Variants in XRCC1 observed in about 807,000 individuals in gnomAD.
The protein encoded by XRCC1 is X-ray repair cross complementing 1.
In XRCC1, 52 loss-of-function variants were observed where a neutral mutation model predicts 83.3. That is an observed-to-expected ratio of 0.62 (90% confidence interval 0.50 to 0.79). The LOEUF is 0.79. XRCC1 is among the 30% of genes least tolerant of loss of function. The pLI is 0.00. For missense variants in XRCC1, 793 were observed against 823.5 expected (o/e 0.96, Z 0.45); for synonymous variants, 281 against 312.6 (o/e 0.90, Z 1.07).
At chr19:43,566,340 C>A (rs1972752494) in intron 2 of XRCC1, among the ~76,000 whole-genome samples, 1 of 151,322 alleles carries the variant, frequency 6.6e-6, no homozygotes, top group Non-Finnish European at 1.5e-5. Flanking sequence ...CAAGACCAGG[C>A]TGGCCAAGAG....
intron 5 of XRCC1, 25 bp downstream of exon 5, chr19:43,553,584 A>G: frequency 1.2e-6 from 2 of 1,611,604 alleles, no homozygotes; most frequent in Non-Finnish European, 1.7e-6. Flanking sequence ...GGAGAAGGCC[A>G]TGGGGAGTGA....
chr19:43,544,021 G>A, intron 15 of XRCC1, 123 bp downstream of exon 15: 3 of 974,604 alleles, frequency 3.1e-6, no homozygotes, highest in Non-Finnish European at 4.6e-6. Flanking sequence ...CCCACCTGCT[G>A]GGCATGGCCC....
intron 2 of XRCC1, among the ~76,000 whole-genome samples, chr19:43,565,772 C>G (rs1447926489): frequency 1.3e-5 from 2 of 151,818 alleles, no homozygotes. Context: ...CCTGTCTCTA[C>G]CAAAAATAAA....
rs967502707 is a variant in XRCC1 at position 43,575,396 on chromosome 19, C to G, written c.51+12G>C. ...CTCACGTCTTCCAACCTCCCCCATG[C>G]AGGTCCCTCACCGAGTCCTGGCTGC... On this transcript the variant is annotated intron_variant, in intron 1 of 16. Transcript: ENST00000262887. 6.3e-7 allele frequency: 1 copy of G among 1,595,498 alleles called. No individual in the cohort carries two copies. Among genetic ancestry groups the G allele is most frequent in the Admixed American group, 1.7e-5 (1 of 57,962 alleles).
In XRCC1 at chr19:43,544,147, T is replaced by C. The variant is rs1226155007; in HGVS notation, c.1709A>G (p.Asn570Ser). The change falls in exon 15 of 17, where the codon AAT becomes AGT. Residue 570 changes from asparagine (N) to serine (S), a missense_variant. Coordinates refer to ENST00000262887, the MANE Select transcript of XRCC1 (RefSeq NM_006297.3). ...ACCCCAGTCCCTGGAGACTCACCCA[T>C]TGAAGGCTGTGACGTATCGGATGAG... is the stretch of plus-strand genomic sequence containing the variant. ...RKLIRYVTAF[N>S]GELEDYMSDR... The C allele has an allele frequency of 5.0e-6, 8 of 1,602,334 alleles. No homozygotes were observed. Among genetic ancestry groups the C allele is most frequent in the African/African-American group, 1.3e-5 (1 of 74,680 alleles).
At chr19:43,558,488 A>C (rs962715795) in intron 3 of XRCC1, among the ~76,000 whole-genome samples, 1 of 151,562 alleles carries the variant, frequency 6.6e-6, no homozygotes, top group Non-Finnish European at 1.5e-5. Context: ...ATATTTAAAA[A>C]TTAGCCGGGC....
At chr19:43,547,114 C>T in intron 10 of XRCC1, 137 bp from the exon 11 acceptor site, 2 of 860,150 alleles carry the variant, frequency 2.3e-6, no homozygotes, top group East Asian at 2.7e-5. Flanking sequence ...CATTCTCTCC[C>T]AGCTCAGGAA....
Position 43,545,847 on chromosome 19 carries a change from G to A in XRCC1, c.1592C>T (p.Pro531Leu), listed in dbSNP as rs537829698. 1.2e-6 allele frequency: 2 copies of A among 1,613,934 alleles called. No individual in the cohort carries two copies. The highest frequency in any genetic ancestry group is 1.7e-6 in the Non-Finnish European group (2 of 1,179,874). Residue 531 changes from proline (P) to leucine (L), a missense_variant, in exon 14 of 17, where the codon CCT (proline) becomes CTT (leucine). Transcript: ENST00000262887. ...ENTDSEEHQEPPDLPVPELPD... is the reference protein window; with the variant it reads ...ENTDSEEHQELPDLPVPELPD... The stretch of plus-strand genomic sequence containing the variant: ...GAGCTCAGGGACTGGCAGATCAGGA[G>A]GCTCCTGGTGTTCCTCACTGTCCGT...
At position 43,546,872 on chromosome 19, in the gene XRCC1, G is replaced by T; in HGVS notation, c.1293+12C>A. ...CACTACACCCTCCCCCACTGGACAG[G>T]GGGCATCAGACCTTCTGAGGAAGCT... On this transcript the variant is annotated intron_variant, in intron 11 of 16. Coordinates refer to ENST00000262887, the MANE Select transcript of XRCC1 (RefSeq NM_006297.3). 6.2e-7 allele frequency: 1 copy of T among 1,613,774 alleles called. No homozygotes were observed. The highest frequency in any genetic ancestry group is 8.5e-7 in the Non-Finnish European group (1 of 1,179,938).
chr19:43,558,520 T>C (rs1394754287), intron 3 of XRCC1, among the ~76,000 whole-genome samples: 1 of 151,792 alleles, frequency 6.6e-6, no homozygotes, highest in East Asian at 1.9e-4. Context: ...CACTAGCTAC[T>C]TGGGGGGCTG....
At chr19:43,549,408 C>T (rs908408903) in intron 10 of XRCC1, among the ~76,000 whole-genome samples, 24 of 152,134 alleles carry the variant, frequency 1.6e-4, no homozygotes, top group Admixed American at 5.2e-4. Flanking sequence ...TACAGGTGTG[C>T]GCCACCATGC....
intron 1 of XRCC1, 39 bp from the exon 2 acceptor site, chr19:43,575,041 G>A (rs1972842093): frequency 6.5e-7 from 1 of 1,539,570 alleles, no homozygotes; most frequent in Admixed American, 1.7e-5. Context: ...AGGGCACAGA[G>A]ATGACAGCTA....
chr19:43,546,661 G>A lies in XRCC1; in HGVS notation c.1360C>T (p.Pro454Ser). The A allele has an allele frequency of 1.2e-6, 2 of 1,611,730 alleles. No homozygotes were observed. The highest frequency in any genetic ancestry group is 2.2e-5 in the East Asian group (1 of 44,868). ...GGTGAGGCTGCTTTGGTCTCTTCAGGGGTTGGGGGCTTCTGGGGTGAGCTG... is the reference window on the plus strand; with the variant it reads ...GGTGAGGCTGCTTTGGTCTCTTCAGAGGTTGGGGGCTTCTGGGGTGAGCTG... ...GPSSPQKPPT[P>S]EETKAASPVL... Residue 454 changes from proline (P) to serine (S), a missense_variant, in exon 12 of 17, where the codon CCT becomes TCT. Coordinates refer to ENST00000262887, the MANE Select transcript of XRCC1 (RefSeq NM_006297.3).
chr19:43,549,846 C>A (rs1187108498), intron 10 of XRCC1, among the ~76,000 whole-genome samples: 1 of 152,064 alleles, frequency 6.6e-6, no homozygotes, highest in Non-Finnish European at 1.5e-5. Flanking sequence ...TTTGTGAATT[C>A]TTTTTGTTAA....
chr19:43,570,941 G>C (rs1265184607), intron 2 of XRCC1, among the ~76,000 whole-genome samples: 2 of 152,170 alleles, frequency 1.3e-5, no homozygotes, highest in Non-Finnish European at 2.9e-5. Context: ...TCATTCCAAA[G>C]GGTCTCTGAC....
Position 43,567,876 on chromosome 19 carries a change from C to CT in XRCC1, c.145-6857dup, listed in dbSNP as rs71336880. On this transcript the variant is annotated intron_variant, in intron 2 of 16. Transcript: ENST00000262887. ...TCACATCCATGAAATGCAATCTTTT[C>CT]TTTTTTTTTTTTTTTTGAGACAGAG... Among the ~76,000 whole-genome samples, 493 of 124,684 alleles carry CT rather than the reference C, an allele frequency of 4.0e-3. 2 individuals carry two copies. Among genetic ancestry groups the CT allele is most frequent in the Middle Eastern group, 0.021 (5 of 242 alleles). 81.8% of individuals were successfully genotyped at this position (124,684 alleles called of 152,430 possible).
chr19:43,547,288 C>G (rs971551816), intron 10 of XRCC1, among the ~76,000 whole-genome samples: 1 of 151,728 alleles, frequency 6.6e-6, no homozygotes, highest in Admixed American at 6.6e-5. Context: ...CAGGTTCGAG[C>G]GACTCCCCTG....
intron 3 of XRCC1, among the ~76,000 whole-genome samples, chr19:43,556,239 G>A (rs2146055867): frequency 6.6e-6 from 1 of 152,274 alleles, no homozygotes; most frequent in South Asian, 2.1e-4. Context: ...GAACAAGAGA[G>A]AAAACCTAGG....
intron 3 of XRCC1, among the ~76,000 whole-genome samples, chr19:43,558,196 A>G (rs1315616324): frequency 1.3e-5 from 2 of 152,126 alleles, no homozygotes; most frequent in East Asian, 3.9e-4. Context: ...AAAGTTGGGC[A>G]TGGTGGTGCA....
Sources: gnomAD v4.1 joint callset for allele counts (sites outside exome capture counted in the v4.1 genomes callset) on GRCh38, gnomAD v4.1.1 for gene constraint, MANE v1.5 for transcripts, NCBI Gene and HGNC (gene_info 2026-07-23, HGNC 2026-07-21) for gene names.